Variants in PLXNA4 observed in about 807,000 individuals in gnomAD.
PLXNA4 encodes plexin-A4.
PLXNA4 carries 44 observed loss-of-function variants against 191.8 expected under a neutral mutation model. That is an observed-to-expected ratio of 0.23 (90% CI 0.18 to 0.29). The LOEUF (loss-of-function observed/expected upper bound fraction) is 0.29. Ranked by LOEUF, PLXNA4 falls within the 10% of genes least tolerant of loss-of-function variation. The pLI is 1.00. For missense variants in PLXNA4, 1,800 were observed against 2,488.8 expected, an observed-to-expected ratio of 0.72 and a Z score of 5.89; for synonymous variants, 1,082 against 1,009.5, an observed-to-expected ratio of 1.07 and a Z score of -1.36.
rs562761845 is a variant in PLXNA4 at position 132,193,797 on chromosome 7, C to A, written c.2856+265G>T. On this transcript the variant is annotated intron_variant, in intron 14 of 31. Coordinates refer to ENST00000321063, the MANE Select transcript of PLXNA4 (RefSeq NM_020911.2). The stretch of plus-strand genomic sequence containing the variant: ...CCATGCCACACTGCCATGCACCCAC[C>A]TGGGGACTCTGGGCCCTGAGAGCTA... Among the ~76,000 whole-genome samples, 4 of 152,298 alleles carry A rather than the reference C, an allele frequency of 2.6e-5. No individual in the cohort carries two copies. The East Asian group carries it at 7.7e-4, about 29-fold the overall frequency.
intron 3 of PLXNA4, among the ~76,000 whole-genome samples, chr7:132,441,930 C>T (rs778732092): frequency 3.6e-4 from 55 of 152,124 alleles, no homozygotes; most frequent in Admixed American, 1.9e-3. Context: ...GTAAGGAGTG[C>T]CAACTGCTTT....
chr7:132,465,402 G>C (rs183844397), intron 3 of PLXNA4, among the ~76,000 whole-genome samples: 1 of 152,020 alleles, frequency 6.6e-6, no homozygotes, highest in South Asian at 2.1e-4. Flanking sequence ...ACAAAGAAAA[G>C]GTTCTGTCTC....
At chr7:132,624,020 C>A (rs867480411) in intron 2 of PLXNA4, among the ~76,000 whole-genome samples, 3 of 152,218 alleles carry the variant, frequency 2.0e-5, no homozygotes, top group South Asian at 4.1e-4. Context: ...GGCCACATAG[C>A]ATTTCACAGT....
chr7:132,377,876 G>A (rs191866014), intron 3 of PLXNA4, among the ~76,000 whole-genome samples: 179 of 152,234 alleles, frequency 1.2e-3, no homozygotes, highest in Non-Finnish European at 2.0e-3. Context: ...AGCACAGCCT[G>A]GCACAAAAGA....
chr7:132,148,711 C>T (rs937848386), intron 25 of PLXNA4, 65 bp from the exon 26 acceptor site: 1 of 1,607,166 alleles, frequency 6.2e-7, no homozygotes, highest in Admixed American at 1.7e-5. Context: ...AGCTGAGGAC[C>T]CTGTGTAGGT....
intron 30 of PLXNA4, among the ~76,000 whole-genome samples, chr7:132,138,748 A>G (rs1374926291): frequency 6.6e-6 from 1 of 152,236 alleles, no homozygotes; most frequent in Non-Finnish European, 1.5e-5. Context: ...TGTGACCTGC[A>G]GCAGCTGCAT....
rs920956260 is a variant in PLXNA4, at chr7:132,488,480, A to G, written c.1371+812T>C. On this transcript the variant is annotated intron_variant, in intron 3 of 31. Transcript: ENST00000321063. ...GCAAGAGCTCCACATGGAATCATCA[A>G]TATTTCCTGGGAAAGGACTAAAATG... Among the ~76,000 whole-genome samples, 13 of 152,342 alleles carry G rather than the reference A, an allele frequency of 8.5e-5. No homozygotes were observed. The South Asian group carries it at 1.0e-3, about 12-fold the overall frequency.
intron 2 of PLXNA4, among the ~76,000 whole-genome samples, chr7:132,597,576 TATTCATTCATTCATTC>T (rs10573562): frequency 2.0e-5 from 3 of 150,010 alleles, no homozygotes; most frequent in South Asian, 4.3e-4. Context: ...TCTCTCCTTT[TATTCATTCATTCATTC>T]ATTCATTCAT....
intron 3 of PLXNA4, chr7:132,385,253 C>T: frequency 1.2e-6 from 2 of 1,613,990 alleles, no homozygotes; most frequent in Non-Finnish European, 1.7e-6. Context: ...GATCGGGGTC[C>T]CGTCTGTAGC....
chr7:132,626,532 G>A (rs569781680), intron 2 of PLXNA4, among the ~76,000 whole-genome samples: 14 of 152,130 alleles, frequency 9.2e-5, no homozygotes, highest in East Asian at 1.9e-4. Context: ...GTGAGCCCTC[G>A]TGAGAGCTGG....
At chr7:132,327,541 G>C (rs1165892352) in intron 3 of PLXNA4, among the ~76,000 whole-genome samples, 1 of 152,078 alleles carries the variant, frequency 6.6e-6, no homozygotes, top group Non-Finnish European at 1.5e-5. Flanking sequence ...TGCCTGGAAA[G>C]CTAGGTCCTC....
chr7:132,576,125 C>T lies in PLXNA4; in HGVS notation c.-87+297G>A, dbSNP rs1458537668. Among the ~76,000 whole-genome samples, 1 of 152,208 alleles carries T rather than the reference C, an allele frequency of 6.6e-6. No homozygotes were observed. Among genetic ancestry groups the T allele is most frequent in the Non-Finnish European group, 1.5e-5 (1 of 68,038 alleles). On this transcript the variant is annotated intron_variant, in intron 1 of 31. Transcript: ENST00000321063. This position sits in a 1 kb window ranked among gnomAD's most constrained non-coding sequence, Gnocchi z 5.8. ...AGGCAGAGCCGGGAATACACAGAAT[C>T]CCACCCCGAAAGTCCCGGGAAAGAG...
chr7:132,509,461 C>T (rs1055962204), intron 1 of PLXNA4, among the ~76,000 whole-genome samples: 1 of 152,134 alleles, frequency 6.6e-6, no homozygotes, highest in Admixed American at 6.5e-5. Context: ...CTGCTGGGAC[C>T]CTGATTGGTA....
intron 3 of PLXNA4, among the ~76,000 whole-genome samples, chr7:132,465,337 T>G (rs1165505092): frequency 6.6e-6 from 1 of 152,218 alleles, no homozygotes; most frequent in African/African-American, 2.4e-5. Flanking sequence ...ACATACACCC[T>G]CAACCTGAAA....
At chr7:132,625,033 T>G (rs1234405579) in intron 2 of PLXNA4, among the ~76,000 whole-genome samples, 1 of 152,042 alleles carries the variant, frequency 6.6e-6, no homozygotes, top group Non-Finnish European at 1.5e-5. Flanking sequence ...CACAGGACTC[T>G]GAGCCCCCCA....
Position 132,251,141 on chromosome 7 carries a change from A to G in PLXNA4, c.1504-9975T>C, listed in dbSNP as rs536535274. ...TACGTAAACACTGCTTCAAAATAAT[A>G]CATAAGTTAAAAACTTGTCAAGCAA... On this transcript the variant is annotated intron_variant, in intron 4 of 31. Coordinates refer to ENST00000321063, the MANE Select transcript of PLXNA4 (RefSeq NM_020911.2). 8.6e-5 allele frequency among the ~76,000 whole-genome samples: 13 copies of G among 151,480 alleles called. No individual in the cohort carries two copies. The South Asian group carries it at 1.0e-3, about 12-fold the overall frequency.
intron 3 of PLXNA4, among the ~76,000 whole-genome samples, chr7:132,310,410 G>A (rs1268867407): frequency 6.6e-6 from 1 of 152,180 alleles, no homozygotes; most frequent in Non-Finnish European, 1.5e-5. Flanking sequence ...GCAGCTCTGG[G>A]AACACCAGTT....
At chr7:132,596,521 A>G (rs1336827212) in intron 2 of PLXNA4, among the ~76,000 whole-genome samples, 3 of 152,252 alleles carry the variant, frequency 2.0e-5, no homozygotes, top group African/African-American at 7.2e-5. Context: ...CAATGCCACA[A>G]AAGATTATGA....
At chr7:132,299,230 G>A (rs2116508680) in intron 3 of PLXNA4, among the ~76,000 whole-genome samples, 1 of 152,304 alleles carries the variant, frequency 6.6e-6, no homozygotes, top group South Asian at 2.1e-4. Flanking sequence ...ACAACTGTAA[G>A]CTACACATAA....
Sources: allele counts gnomAD v4.1 joint callset (sites outside exome capture counted in the v4.1 genomes callset), GRCh38; gene constraint gnomAD v4.1.1; non-coding constraint Gnocchi (gnomAD v3.1); transcripts MANE v1.5; gene names NCBI Gene and HGNC (gene_info 2026-07-23, HGNC 2026-07-21).